The following RAB3GAP1 variants were observed in gnomAD, a reference collection of about 807,000 sequenced individuals.
RAB3GAP1 encodes the protein rab3 GTPase-activating protein catalytic subunit.
A neutral mutation model predicts 130.7 loss-of-function variants in RAB3GAP1; 86 were observed. The ratio of observed to expected loss-of-function variants is 0.66; its 90% CI spans 0.55 to 0.79. The LOEUF is 0.79. Among genes scored for constraint, RAB3GAP1 ranks in the 30% least tolerant of loss-of-function variants. The pLI is 0.00. For missense variants in RAB3GAP1, 1,029 were observed against 1,169.4 expected, an observed-to-expected ratio of 0.88 and a Z score of 1.75; for synonymous variants, 367 against 401.7, an observed-to-expected ratio of 0.91 and a Z score of 1.03.
At position 135,168,848 on chromosome 2, in the gene RAB3GAP1, C is replaced by T; in HGVS notation, c.*67C>T. 2 of 1,399,160 alleles carry T rather than the reference C, an allele frequency of 1.4e-6. No homozygotes were observed. Among genetic ancestry groups the T allele is most frequent in the South Asian group, 1.2e-5 (1 of 86,444 alleles). The allele number at this position is 1,399,160 out of a possible 1,614,324, so 86.7% of individuals were successfully genotyped here. On this transcript the variant is annotated 3_prime_UTR_variant, in exon 24 of 24. Coordinates refer to ENST00000264158, the MANE Select transcript of RAB3GAP1 (RefSeq NM_012233.3). ...GCCTCCTCCTGAGGGAGGGAAGGTA[C>T]CAGGGAGAACCTGGGAGGTCCTGGA...
At chr2:135,064,500 G>T (rs1016888222) in intron 3 of RAB3GAP1, among the ~76,000 whole-genome samples, 7 of 151,814 alleles carry the variant, frequency 4.6e-5, no homozygotes, top group Non-Finnish European at 7.4e-5. Flanking sequence ...TTCAGTTATT[G>T]TACTTTTTAG....
chr2:135,150,900 TAC>T (rs1265391151), intron 18 of RAB3GAP1, among the ~76,000 whole-genome samples: 3 of 152,278 alleles, frequency 2.0e-5, no homozygotes, highest in Non-Finnish European at 4.4e-5. Flanking sequence ...AGTTAAGAAA[TAC>T]AGTGTTTACC....
At chr2:135,095,888 A>T (rs1465672952) in intron 5 of RAB3GAP1, among the ~76,000 whole-genome samples, 1 of 152,188 alleles carries the variant, frequency 6.6e-6, no homozygotes, top group Admixed American at 6.5e-5. Flanking sequence ...GTATAGTACA[A>T]TAAGATATCT....
intron 19 of RAB3GAP1, among the ~76,000 whole-genome samples, chr2:135,154,576 T>C (rs1323967948): frequency 6.6e-6 from 1 of 152,042 alleles, no homozygotes; most frequent in Non-Finnish European, 1.5e-5. Flanking sequence ...TGCAGATATA[T>C]TGAGTAGGGG....
intron 10 of RAB3GAP1, 51 bp from the exon 11 acceptor site, chr2:135,126,532 T>C (rs986272884): frequency 2.0e-6 from 3 of 1,466,672 alleles, no homozygotes; most frequent in Non-Finnish European, 2.9e-6. Flanking sequence ...AGTTCATGAA[T>C]CTTGCAGATT....
rs990917364 is a variant in RAB3GAP1 at position 135,086,421 on chromosome 2, A to G, written c.151-4577A>G. On this transcript the variant is annotated intron_variant, in intron 3 of 23. Transcript: ENST00000264158. ...ATTTAGTCATTCTGTTGGGTGTGAA[A>G]TGGAATCTCATTGTGGTTTTAGTTT... 2.6e-5 allele frequency among the ~76,000 whole-genome samples: 4 copies of G among 152,028 alleles called. No individual in the cohort carries two copies. The South Asian group carries it at 6.2e-4, about 24-fold the overall frequency.
intron 3 of RAB3GAP1, among the ~76,000 whole-genome samples, chr2:135,083,882 G>A (rs940682481): frequency 6.9e-6 from 1 of 145,682 alleles, no homozygotes; most frequent in African/African-American, 2.5e-5. Context: ...AACATCTTTT[G>A]ATGTTTTTAT....
At chr2:135,054,666 G>T (rs1386577989) in intron 2 of RAB3GAP1, among the ~76,000 whole-genome samples, 1 of 152,172 alleles carries the variant, frequency 6.6e-6, no homozygotes, top group East Asian at 1.9e-4. Flanking sequence ...AATCTTGGAG[G>T]GTGGGGTAGG....
intron 15 of RAB3GAP1, among the ~76,000 whole-genome samples, chr2:135,134,979 T>A (rs1691639623): frequency 6.6e-6 from 1 of 152,226 alleles, no homozygotes; most frequent in African/African-American, 2.4e-5. Context: ...AGGGGCTTTT[T>A]CTCATTTTGA....
chr2:135,101,475 A>G (rs1558775654), intron 5 of RAB3GAP1, among the ~76,000 whole-genome samples: 1 of 152,222 alleles, frequency 6.6e-6, no homozygotes, highest in Non-Finnish European at 1.5e-5. Context: ...AAATTACTAT[A>G]TGATTAACTT....
intron 3 of RAB3GAP1, among the ~76,000 whole-genome samples, chr2:135,090,381 C>T (rs1205874754): frequency 6.6e-6 from 1 of 151,970 alleles, no homozygotes. Flanking sequence ...GTATTTCCTG[C>T]CTTATGTGGT....
intron 13 of RAB3GAP1, 45 bp from the exon 14 acceptor site, chr2:135,132,850 G>A: frequency 8.9e-7 from 1 of 1,123,764 alleles, no homozygotes; most frequent in Non-Finnish European, 1.4e-6. Flanking sequence ...CAACAAAATA[G>A]GAAATGTGGT....
chr2:135,090,765 T>C (rs1288571577), intron 3 of RAB3GAP1, among the ~76,000 whole-genome samples: 4 of 152,202 alleles, frequency 2.6e-5, no homozygotes, highest in Non-Finnish European at 5.9e-5. Flanking sequence ...TTATTATTAA[T>C]CTTTGTAAGT....
intron 3 of RAB3GAP1, among the ~76,000 whole-genome samples, chr2:135,061,896 C>T (rs1267001246): frequency 6.6e-6 from 1 of 152,142 alleles, no homozygotes; most frequent in Non-Finnish European, 1.5e-5. Context: ...CTAGAACCTA[C>T]TTTGGAAAAC....
At chr2:135,155,409 A>G (rs1470043513) in intron 19 of RAB3GAP1, among the ~76,000 whole-genome samples, 2 of 152,180 alleles carry the variant, frequency 1.3e-5, no homozygotes, top group African/African-American at 4.8e-5. Flanking sequence ...CAGAATATGC[A>G]ATTCATTAGT....
chr2:135,119,578 C>CA (rs148508007), intron 7 of RAB3GAP1, among the ~76,000 whole-genome samples: 6,375 of 152,240 alleles, frequency 0.042, 158 homozygotes, highest in African/African-American at 0.055. Context: ...ACTGACCAGC[C>CA]AAAATCTCAC....
chr2:135,149,878 C>T (rs1371531022), intron 17 of RAB3GAP1, among the ~76,000 whole-genome samples: 2 of 152,088 alleles, frequency 1.3e-5, no homozygotes, highest in African/African-American at 2.4e-5. Flanking sequence ...AGGATGGTCT[C>T]GATCTCCTGA....
chr2:135,139,886 T>A (rs960063011), intron 17 of RAB3GAP1, among the ~76,000 whole-genome samples: 1 of 152,222 alleles, frequency 6.6e-6, no homozygotes, highest in African/African-American at 2.4e-5. Flanking sequence ...AGCAACTCTT[T>A]CTCTTAACTT....
chr2:135,061,800 C>T (rs1368221491), intron 3 of RAB3GAP1, among the ~76,000 whole-genome samples: 2 of 151,956 alleles, frequency 1.3e-5, no homozygotes, highest in Non-Finnish European at 2.9e-5. Context: ...TTGTTAAGGT[C>T]TATGATTTAT....
Sources: allele counts gnomAD v4.1 joint callset (sites outside exome capture counted in the v4.1 genomes callset), GRCh38; gene constraint gnomAD v4.1.1; transcripts MANE v1.5; gene names NCBI Gene and HGNC (gene_info 2026-07-23, HGNC 2026-07-21).